MRPS31: variants seen among roughly 807,000 people sequenced by gnomAD.
MRPS31 encodes the protein mitochondrial ribosomal protein S31, also known as small ribosomal subunit protein mS31.
A neutral mutation model predicts 43.1 loss-of-function variants in MRPS31; 32 were observed. The ratio of observed to expected loss-of-function variants is 0.74; its 90% confidence interval spans 0.56 to 1.00. MRPS31 has a LOEUF of 1.00. MRPS31 is among the 50% of genes least tolerant of loss of function. The pLI is 0.00. For missense variants in MRPS31, 437 were observed against 466.7 expected (o/e 0.94, Z 0.59); for synonymous variants, 165 against 161.6 (o/e 1.02, Z -0.16).
At chr13:40,737,101 T>C (rs1288775928) in intron 6 of MRPS31, among the ~76,000 whole-genome samples, 4 of 151,042 alleles carry the variant, frequency 2.6e-5, no homozygotes, top group African/African-American at 9.7e-5. Context: ...ACCAAGCAAA[T>C]GGAAAACAAA....
chr13:40,745,067 A>G (rs1880204623), intron 6 of MRPS31, among the ~76,000 whole-genome samples: 1 of 151,592 alleles, frequency 6.6e-6, no homozygotes, highest in African/African-American at 2.4e-5. Flanking sequence ...AATTACAGGC[A>G]TGCACCACCA....
intron 1 of MRPS31, among the ~76,000 whole-genome samples, chr13:40,770,328 C>T (rs1593281226): frequency 6.6e-6 from 1 of 152,194 alleles, no homozygotes; most frequent in Admixed American, 6.5e-5. Flanking sequence ...ATAAAGTTCT[C>T]GGAGGATAAA....
chr13:40,750,665 C>A (rs1275293113), intron 5 of MRPS31, among the ~76,000 whole-genome samples: 2 of 148,574 alleles, frequency 1.3e-5, no homozygotes, highest in Non-Finnish European at 3.0e-5. Context: ...TGGGTGATAT[C>A]ACTTTTTAAA....
At chr13:40,758,160 A>T (rs906350536) in intron 3 of MRPS31, among the ~76,000 whole-genome samples, 22 of 151,250 alleles carry the variant, frequency 1.5e-4, no homozygotes, top group Non-Finnish European at 2.5e-4. Flanking sequence ...AAAAAAAAAA[A>T]GTGATCCTCC....
intron 3 of MRPS31, among the ~76,000 whole-genome samples, chr13:40,758,282 T>C (rs1880592173): frequency 6.6e-6 from 1 of 152,138 alleles, no homozygotes; most frequent in Non-Finnish European, 1.5e-5. Flanking sequence ...TGGTCTCAAA[T>C]TCCTGGCCTC....
At chr13:40,749,935 C>A (rs1055316524) in intron 5 of MRPS31, among the ~76,000 whole-genome samples, 3 of 152,148 alleles carry the variant, frequency 2.0e-5, no homozygotes, top group Non-Finnish European at 4.4e-5. Context: ...AATGGTACAA[C>A]CACCTTGGAA....
intron 2 of MRPS31, 26 bp from the exon 3 acceptor site, chr13:40,759,132 G>GA: frequency 1.3e-6 from 2 of 1,534,890 alleles, no homozygotes; most frequent in Admixed American, 4.2e-5. Flanking sequence ...AAAAACAAAT[G>GA]AGAAAGAAAA....
At chr13:40,741,826 TA>T (rs1193410848) in intron 6 of MRPS31, among the ~76,000 whole-genome samples, 2 of 151,228 alleles carry the variant, frequency 1.3e-5, no homozygotes, top group Non-Finnish European at 2.9e-5. Context: ...ATAAAATGAA[TA>T]AGGTCTATCT....
intron 2 of MRPS31, among the ~76,000 whole-genome samples, chr13:40,760,788 C>T (rs1275986237): frequency 1.3e-5 from 2 of 151,932 alleles, no homozygotes; most frequent in African/African-American, 4.8e-5. Context: ...TTTTTTAACT[C>T]ACTGAGAACT....
intron 2 of MRPS31, among the ~76,000 whole-genome samples, chr13:40,760,429 G>A (rs1489406387): frequency 1.3e-5 from 2 of 151,996 alleles, no homozygotes; most frequent in Non-Finnish European, 2.9e-5. Flanking sequence ...GTGGGTGAAG[G>A]CATAGGACAT....
intron 2 of MRPS31, among the ~76,000 whole-genome samples, chr13:40,760,660 G>T (rs1880671016): frequency 6.8e-6 from 1 of 147,442 alleles, no homozygotes; most frequent in Non-Finnish European, 1.5e-5. Flanking sequence ...AGAGACAGGG[G>T]TCTCAATATG....
At chr13:40,745,718 G>T (rs764139174) in intron 6 of MRPS31, among the ~76,000 whole-genome samples, 1 of 151,662 alleles carries the variant, frequency 6.6e-6, no homozygotes, top group Non-Finnish European at 1.5e-5. Context: ...CTTCTTTCAC[G>T]GATCATGTTT....
At chr13:40,741,987 GAT>G (rs1170029346) in intron 6 of MRPS31, among the ~76,000 whole-genome samples, 1 of 150,610 alleles carries the variant, frequency 6.6e-6, no homozygotes, top group East Asian at 1.9e-4. Flanking sequence ...TAAAACAGCA[GAT>G]AAATCTGTAA....
intron 6 of MRPS31, among the ~76,000 whole-genome samples, chr13:40,747,933 T>G (rs1182387373): frequency 2.0e-5 from 3 of 152,200 alleles, no homozygotes; most frequent in African/African-American, 7.2e-5. Flanking sequence ...AAAGTAACAC[T>G]TTATGTTAAT....
At position 40,771,181 on chromosome 13, in the gene MRPS31, T is replaced by C. The variant is rs1566114067; in HGVS notation, c.-45A>G. 1 of 1,542,584 alleles carries C rather than the reference T, an allele frequency of 6.5e-7. No individual in the cohort carries two copies. The highest frequency in any genetic ancestry group is 8.8e-7 in the Non-Finnish European group (1 of 1,140,668). ...CCAAGAACACAACTGAAATGGTGCG[T>C]CCCGCTGCCAAACACGTCCCCGCCC... is the stretch of plus-strand genomic sequence containing the variant. On this transcript the variant is annotated 5_prime_UTR_variant, in exon 1 of 7. Coordinates refer to ENST00000323563, the MANE Select transcript of MRPS31 (RefSeq NM_005830.4).
intron 6 of MRPS31, among the ~76,000 whole-genome samples, chr13:40,735,418 T>C (rs1593441249): frequency 6.6e-6 from 1 of 152,112 alleles, no homozygotes; most frequent in Admixed American, 6.5e-5. Flanking sequence ...TCGAACTGGG[T>C]GGAGCCCACC....
intron 3 of MRPS31, among the ~76,000 whole-genome samples, chr13:40,757,677 G>A (rs1052177935): frequency 6.0e-5 from 9 of 149,480 alleles, no homozygotes; most frequent in Non-Finnish European, 1.0e-4. Context: ...ATCTCCTGAC[G>A]TGGTGATCCG....
chr13:40,741,181 T>G (rs1284218742), intron 6 of MRPS31, among the ~76,000 whole-genome samples: 1 of 152,040 alleles, frequency 6.6e-6, no homozygotes, highest in African/African-American at 2.4e-5. Flanking sequence ...CTGTTGGCTC[T>G]GAGAACAGGC....
chr13:40,733,959 CAAAAAA>C (rs61512285), intron 6 of MRPS31, among the ~76,000 whole-genome samples: 2 of 56,662 alleles, frequency 3.5e-5, no homozygotes. Context: ...GACTCTGACT[CAAAAAA>C]AAAAAAAAAA....
Sources: gnomAD v4.1 joint callset for allele counts (sites outside exome capture counted in the v4.1 genomes callset) on GRCh38, gnomAD v4.1.1 for gene constraint, MANE v1.5 for transcripts, NCBI Gene and HGNC (gene_info 2026-07-23, HGNC 2026-07-21) for gene names.